Variants in TAF3 observed in about 807,000 individuals in gnomAD.
The protein encoded by TAF3 is TATA-box binding protein associated factor 3, also known as transcription initiation factor TFIID subunit 3.
TAF3 carries 7 observed loss-of-function variants against 80.6 expected under a neutral mutation model. That is an observed-to-expected ratio of 0.09 (90% CI 0.05 to 0.16). The LOEUF (loss-of-function observed/expected upper bound fraction) is 0.16. Among genes scored for constraint, TAF3 ranks in the 10% least tolerant of loss-of-function variants. TAF3 has a pLI of 1.00. For missense variants in TAF3, 921 were observed against 1,140.2 expected (o/e 0.81, Z 2.77); for synonymous variants, 444 against 446.1 (o/e 1.00, Z 0.06).
Position 8,009,261 on chromosome 10 carries a change from C to G in TAF3, c.2499C>G (p.Pro833=). Residue 833 remains proline, a synonymous_variant, in exon 5 of 7, where the codon CCC becomes CCG. Transcript: ENST00000344293. The surrounding 1 kb of genome is among the most constrained non-coding windows in gnomAD (Gnocchi z 4.1). The part of the protein sequence containing the change: ...AGPALLPSPG[P]AASGASAKAP... ...CTGCCCTGCTGCCCTCCCCGGGTCC[C>G]GCCGCCTCCGGGGCCAGTGCCAAAG... 6.4e-7 allele frequency: 1 copy of G among 1,552,366 alleles called. No individual in the cohort carries two copies. Among genetic ancestry groups the G allele is most frequent in the Non-Finnish European group, 8.7e-7 (1 of 1,152,574 alleles).
intron 3 of TAF3, among the ~76,000 whole-genome samples, chr10:7,973,229 G>A (rs1420240602): frequency 1.3e-5 from 2 of 152,164 alleles, no homozygotes; most frequent in East Asian, 3.8e-4. Flanking sequence ...GGGTGTTATG[G>A]TAATAAAAAT....
chr10:7,953,863 G>A (rs1043377662), intron 2 of TAF3, among the ~76,000 whole-genome samples: 1 of 146,562 alleles, frequency 6.8e-6, no homozygotes, highest in African/African-American at 2.5e-5. Flanking sequence ...GAGTGGATTA[G>A]TCCTAGTTAA....
intron 4 of TAF3, among the ~76,000 whole-genome samples, chr10:8,000,457 A>C (rs767943779): frequency 6.6e-6 from 1 of 151,880 alleles, no homozygotes; most frequent in African/African-American, 2.4e-5. Flanking sequence ...TTAATTATGG[A>C]TAAATCAAAA....
chr10:7,912,837 CT>C (rs1418604903), intron 2 of TAF3, among the ~76,000 whole-genome samples: 1 of 152,110 alleles, frequency 6.6e-6, no homozygotes, highest in Non-Finnish European at 1.5e-5. Context: ...GCTTTTTTTC[CT>C]TTCTGAATCG....
chr10:8,006,561 C>G (rs1261429621), intron 4 of TAF3, among the ~76,000 whole-genome samples: 1 of 152,210 alleles, frequency 6.6e-6, no homozygotes, highest in Non-Finnish European at 1.5e-5. Context: ...GCTAAAGTCT[C>G]TTGATCTTTG....
At chr10:7,928,191 ACTC>A (rs1458917994) in intron 2 of TAF3, among the ~76,000 whole-genome samples, 2 of 151,762 alleles carry the variant, frequency 1.3e-5, no homozygotes, top group African/African-American at 4.8e-5. Context: ...AGTAAATACT[ACTC>A]TTACTGTTTT....
chr10:7,846,252 C>T (rs1185677469), intron 2 of TAF3, among the ~76,000 whole-genome samples: 10 of 151,970 alleles, frequency 6.6e-5, no homozygotes, highest in Admixed American at 1.3e-4. Context: ...CCACTGCGCC[C>T]GGCCAAAAGG....
rs146310092 is a variant in TAF3, at chr10:7,924,658, A to G, written c.410-39262A>G. On this transcript the variant is annotated intron_variant, in intron 2 of 6. Transcript: ENST00000344293. Reference sequence around the variant, plus strand: ...GTGAACAAATATCCTTTAAAAATCTATTCTTTTTTATTTTTAAATATGTGT... The same window carrying G: ...GTGAACAAATATCCTTTAAAAATCTGTTCTTTTTTATTTTTAAATATGTGT... Among the ~76,000 whole-genome samples the G allele has an allele frequency of 3.8e-3, 577 of 152,258 alleles. 4 individuals carry two copies. The highest frequency in any genetic ancestry group is 0.02 in the South Asian group (97 of 4,832).
chr10:7,863,865 G>A (rs1003341355), intron 2 of TAF3, among the ~76,000 whole-genome samples: 25 of 150,758 alleles, frequency 1.7e-4, no homozygotes, highest in African/African-American at 3.4e-4. Context: ...AACTTTATCC[G>A]TAAATATTTC....
rs79301994 is a variant in TAF3 at position 7,829,536 on chromosome 10, C to T, written c.409+4976C>T. Among the ~76,000 whole-genome samples the T allele has an allele frequency of 4.0e-3, 612 of 152,228 alleles. 6 individuals are homozygous for T. The highest frequency in any genetic ancestry group is 0.014 in the African/African-American group (583 of 41,526). On this transcript the variant is annotated intron_variant, in intron 2 of 6. Coordinates refer to ENST00000344293, the MANE Select transcript of TAF3 (RefSeq NM_031923.4). Reference sequence around the variant, plus strand: ...TGGTTAGGTATATTGTCGGATGCCCCTCTAGTGGAATTTTTCTGATGTTTT... The same window carrying T: ...TGGTTAGGTATATTGTCGGATGCCCTTCTAGTGGAATTTTTCTGATGTTTT...
chr10:7,939,882 A>G (rs998187421), intron 2 of TAF3, among the ~76,000 whole-genome samples: 1 of 152,210 alleles, frequency 6.6e-6, no homozygotes, highest in Non-Finnish European at 1.5e-5. Context: ...AGAGAGAACA[A>G]TGAAACTAAA....
intron 2 of TAF3, among the ~76,000 whole-genome samples, chr10:7,921,000 G>A (rs988895728): frequency 7.9e-5 from 12 of 152,128 alleles, no homozygotes; most frequent in African/African-American, 2.9e-4. Flanking sequence ...GATATTAGTG[G>A]CGTTCTGTTT....
At chr10:7,923,120 A>G (rs1212922689) in intron 2 of TAF3, among the ~76,000 whole-genome samples, 2 of 152,134 alleles carry the variant, frequency 1.3e-5, no homozygotes, top group Non-Finnish European at 2.9e-5. Context: ...TTTACATTCT[A>G]CTATGAGTAT....
chr10:7,914,894 C>A (rs572228356), intron 2 of TAF3, among the ~76,000 whole-genome samples: 1 of 149,536 alleles, frequency 6.7e-6, no homozygotes, highest in Non-Finnish European at 1.5e-5. Context: ...CATGTGCCTG[C>A]CACACCTCAT....
At chr10:7,851,332 C>T (rs1286988808) in intron 2 of TAF3, among the ~76,000 whole-genome samples, 3 of 151,952 alleles carry the variant, frequency 2.0e-5, no homozygotes, top group Admixed American at 6.6e-5. Context: ...CACATGGCTG[C>T]GGTGTTTGGG....
At chr10:7,887,481 C>A (rs576264514) in intron 2 of TAF3, among the ~76,000 whole-genome samples, 1 of 152,180 alleles carries the variant, frequency 6.6e-6, no homozygotes, top group South Asian at 2.1e-4. Flanking sequence ...CTCTCTTTTT[C>A]TCTGTTTCTT....
chr10:7,936,973 C>T (rs1045897466), intron 2 of TAF3, among the ~76,000 whole-genome samples: 1 of 152,114 alleles, frequency 6.6e-6, no homozygotes, highest in Non-Finnish European at 1.5e-5. Flanking sequence ...CTTTCACTTA[C>T]CAATATGCAT....
intron 4 of TAF3, among the ~76,000 whole-genome samples, chr10:7,990,531 T>C (rs1220447947): frequency 6.6e-6 from 1 of 152,232 alleles, no homozygotes; most frequent in East Asian, 1.9e-4. Flanking sequence ...ACTGTTTTTC[T>C]GTATGCATGC....
chr10:7,912,613 T>TA (rs1837666927), intron 2 of TAF3, among the ~76,000 whole-genome samples: 1 of 152,220 alleles, frequency 6.6e-6, no homozygotes, highest in South Asian at 2.1e-4. Flanking sequence ...ATTTCTGAAA[T>TA]ACATGGTAAT....
Sources: allele counts gnomAD v4.1 joint callset (sites outside exome capture counted in the v4.1 genomes callset), GRCh38; gene constraint gnomAD v4.1.1; non-coding constraint Gnocchi (gnomAD v3.1); transcripts MANE v1.5; gene names NCBI Gene and HGNC (gene_info 2026-07-23, HGNC 2026-07-21).